The following NANP variants were observed in gnomAD, a reference collection of about 807,000 sequenced individuals.
NANP encodes the protein N-acylneuraminate-9-phosphatase.
A neutral mutation model predicts 16.9 loss-of-function variants in NANP; 15 were observed. That is an observed-to-expected ratio of 0.89 (90% CI 0.59 to 1.37). The LOEUF (loss-of-function observed/expected upper bound fraction) is 1.37, where lower values mean the gene tolerates loss of function less well. Ranked by LOEUF, NANP falls within the 40% of genes most tolerant of loss-of-function variation. The pLI is 0.00. For synonymous variants in NANP, 135 were observed against 112.6 expected (o/e 1.20, Z -1.26); for missense variants, 290 against 303.5 (o/e 0.96, Z 0.33).
chr20:25,617,160 T>C (rs1294373536), intron 1 of NANP, among the ~76,000 whole-genome samples: 1 of 152,244 alleles, frequency 6.6e-6, no homozygotes, highest in Non-Finnish European at 1.5e-5. Context: ...TCTACATCCA[T>C]TTCACATTTT....
rs1272369506 is a variant in NANP at position 25,614,750 on chromosome 20, G to A, written c.*1175C>T. 1 of 152,180 alleles carries A rather than the reference G, an allele frequency of 6.6e-6. No individual in the cohort carries two copies. The highest frequency in any genetic ancestry group is 1.5e-5 in the Non-Finnish European group (1 of 68,062). The allele number at this position is 152,180 out of a possible 1,614,324, so 9.4% of individuals were successfully genotyped here. On this transcript the variant is annotated 3_prime_UTR_variant, in exon 2 of 2. Coordinates refer to ENST00000304788, the MANE Select transcript of NANP (RefSeq NM_152667.3). ...TGCCTATAATCCTAGGACTTTAGGA[G>A]GCTGAGGTGGGAGGATCACTTGAAT...
In NANP at chr20:25,616,390, T is replaced by C. The variant is rs754013250; in HGVS notation, c.282A>G (p.Glu94=). 22 of 1,614,044 alleles carry C rather than the reference T, an allele frequency of 1.4e-5. No homozygotes were observed. In the East Asian group the frequency reaches 4.9e-4, roughly 36 times the overall value. ...KGGAANRKLA[E]ECYFLWKSTR... ...TAGATTTCCAAAGGAAATAACATTC[T>C]TCAGCCAATTTTCTATTGGCTGCAC... Residue 94 remains glutamate (E), a synonymous_variant, in exon 2 of 2, where the codon GAA becomes GAG. Transcript: ENST00000304788.
Position 25,612,956 on chromosome 20 carries a change from T to C in NANP, c.*2969A>G, listed in dbSNP as rs2065327382. Reference sequence around the variant, plus strand: ...TGACTTTTCACCATTCACCCTTTTATTTTTTTGACTTGTGTACTACAAGTA... The same window carrying C: ...TGACTTTTCACCATTCACCCTTTTACTTTTTTGACTTGTGTACTACAAGTA... On this transcript the variant is annotated 3_prime_UTR_variant, in exon 2 of 2. Coordinates refer to ENST00000304788, the MANE Select transcript of NANP (RefSeq NM_152667.3). 1 of 152,214 alleles carries C rather than the reference T, an allele frequency of 6.6e-6. No individual in the cohort carries two copies. The highest frequency in any genetic ancestry group is 2.1e-4 in the South Asian group (1 of 4,832). 9.4% of individuals were successfully genotyped at this position (152,214 alleles called of 1,614,324 possible). A position where few individuals can be genotyped will look rare whatever the true frequency, so the allele number is the denominator to read the frequency against.
chr20:25,623,758 G>A (rs2065377999), intron 1 of NANP, 101 bp downstream of exon 1: 2 of 1,182,698 alleles, frequency 1.7e-6, no homozygotes, highest in African/African-American at 1.6e-5. Context: ...AGAGCGGCCC[G>A]CGGCGCCGGG....
chr20:25,618,139 T>C (rs536969400), intron 1 of NANP, among the ~76,000 whole-genome samples: 22 of 142,774 alleles, frequency 1.5e-4, no homozygotes, highest in African/African-American at 4.2e-4. Context: ...GACTGGCCTT[T>C]GTCGTTGAGG....
At chr20:25,619,965 G>A (rs76898503) in intron 1 of NANP, among the ~76,000 whole-genome samples, 2,417 of 152,234 alleles carry the variant, frequency 0.016, 28 homozygotes, top group Non-Finnish European at 0.027. Context: ...GGTATGCCAC[G>A]CCCAAGTTTC....
At chr20:25,623,571 C>G (rs944810910) in intron 1 of NANP, among the ~76,000 whole-genome samples, 25 of 152,348 alleles carry the variant, frequency 1.6e-4, no homozygotes, top group African/African-American at 5.5e-4. Context: ...ACCTCCGCCA[C>G]CGTGGCAGCC....
At chr20:25,616,622 T>TACTAAAGACATGCAA in intron 1 of NANP, 41 bp from the exon 2 acceptor site, 3 of 1,458,242 alleles carry the variant, frequency 2.1e-6, no homozygotes, top group Non-Finnish European at 2.8e-6. Context: ...ATTGCATGTC[T>TACTAAAGACATGCAA]TTAGTAGTCA....
intron 1 of NANP, among the ~76,000 whole-genome samples, chr20:25,619,598 G>A (rs951323127): frequency 6.6e-6 from 1 of 152,166 alleles, no homozygotes; most frequent in Non-Finnish European, 1.5e-5. Flanking sequence ...GCAAAACGCT[G>A]TAAATTTTTG....
chr20:25,622,110 G>T (rs1440076891), intron 1 of NANP, among the ~76,000 whole-genome samples: 1 of 152,208 alleles, frequency 6.6e-6, no homozygotes, highest in South Asian at 2.1e-4. Context: ...ACTACTATAA[G>T]TGAGGGTGTA....
chr20:25,620,761 G>T (rs373141894), intron 1 of NANP, among the ~76,000 whole-genome samples: 171 of 152,154 alleles, frequency 1.1e-3, no homozygotes, highest in African/African-American at 3.7e-3. Context: ...TTATGAGGAG[G>T]ATCTGAACCA....
chr20:25,621,383 A>T (rs917928064), intron 1 of NANP, among the ~76,000 whole-genome samples: 3 of 152,218 alleles, frequency 2.0e-5, no homozygotes, highest in African/African-American at 7.2e-5. Flanking sequence ...CTTCTGTAGA[A>T]AAGTTCCTCT....
Position 25,615,901 on chromosome 20 carries a change from C to T in NANP, c.*24G>A. 6.4e-7 allele frequency: 1 copy of T among 1,568,340 alleles called. No individual in the cohort carries two copies. Among genetic ancestry groups the T allele is most frequent in the South Asian group, 1.2e-5 (1 of 83,142 alleles). On this transcript the variant is annotated 3_prime_UTR_variant, in exon 2 of 2. Transcript: ENST00000304788. ...TACTCAGCAAATTGATTCTAACATT[C>T]ATAATCATGCCCTTTTATGTGCTTT...
In NANP at chr20:25,622,748, C is replaced by T. The variant is rs1339949414; in HGVS notation, c.90+1111G>A. Reference sequence around the variant, plus strand: ...CGGCATTTTGGGAATGCCTAGTGATCCAGCAAGTCTATTTCAGTCTAGCGG... The same window carrying T: ...CGGCATTTTGGGAATGCCTAGTGATTCAGCAAGTCTATTTCAGTCTAGCGG... On this transcript the variant is annotated intron_variant, in intron 1 of 1. Transcript: ENST00000304788. Among the ~76,000 whole-genome samples, 10 of 152,260 alleles carry T rather than the reference C, an allele frequency of 6.6e-5. No homozygotes were observed. The East Asian group carries it at 1.9e-3, about 29-fold the overall frequency.
rs2065335294 is a variant in NANP, at chr20:25,614,613, G to A, written c.*1312C>T. On this transcript the variant is annotated 3_prime_UTR_variant, in exon 2 of 2. Transcript: ENST00000304788. ...AATGTGAAAAACAGAGGAAATTTAA[G>A]GCAGATGGTAACTCTAAGAAGAGTC... 3 of 152,120 alleles carry A rather than the reference G, an allele frequency of 2.0e-5. No individual in the cohort carries two copies. The highest frequency in any genetic ancestry group is 7.2e-5 in the African/African-American group (3 of 41,420). The allele number at this position is 152,120 out of a possible 1,614,324, so 9.4% of individuals were successfully genotyped here.
At chr20:25,622,499 A>G (rs2065369047) in intron 1 of NANP, among the ~76,000 whole-genome samples, 1 of 152,218 alleles carries the variant, frequency 6.6e-6, no homozygotes, top group South Asian at 2.1e-4. Flanking sequence ...TTAAAGCCCA[A>G]ACTCTGGGCC....
chr20:25,621,851 C>T (rs1295214971), intron 1 of NANP, among the ~76,000 whole-genome samples: 1 of 152,226 alleles, frequency 6.6e-6, no homozygotes, highest in Non-Finnish European at 1.5e-5. Flanking sequence ...CCGCGCCCGG[C>T]CCATTCATAA....
At chr20:25,619,884 T>C (rs2065358251) in intron 1 of NANP, among the ~76,000 whole-genome samples, 1 of 152,184 alleles carries the variant, frequency 6.6e-6, no homozygotes, top group Non-Finnish European at 1.5e-5. Context: ...TGGCACTTCA[T>C]TAAGCACATT....
chr20:25,616,316 G>C lies in NANP; in HGVS notation c.356C>G (p.Thr119Ser), dbSNP rs377049718. 1 of 1,614,022 alleles carries C rather than the reference G, an allele frequency of 6.2e-7. No homozygotes were observed. Among genetic ancestry groups the C allele is most frequent in the African/African-American group, 1.3e-5 (1 of 74,926 alleles). The change falls in exon 2 of 2, where the codon ACT becomes AGT. Residue 119 changes from threonine (T) to serine (S), a missense_variant. Physicochemically the swap from Thr to Ser is moderately conservative, Grantham distance 58. Coordinates refer to ENST00000304788, the MANE Select transcript of NANP (RefSeq NM_152667.3). ...TAGGCGGACCTCCTTTCGAAGTTCA[G>C]TAAGCATGGCTTTGACGTCTTCTGC... is the stretch of plus-strand genomic sequence containing the variant. Reference protein sequence around the residue: ...TLAEDVKAMLTELRKEVRLLL... With the variant: ...TLAEDVKAMLSELRKEVRLLL...
Sources: allele counts gnomAD v4.1 joint callset (sites outside exome capture counted in the v4.1 genomes callset), GRCh38; gene constraint gnomAD v4.1.1; transcripts MANE v1.5; gene names NCBI Gene and HGNC (gene_info 2026-07-23, HGNC 2026-07-21).